The following SGCZ variants were observed in gnomAD, a reference collection of about 807,000 sequenced individuals.
SGCZ encodes the protein sarcoglycan zeta.
SGCZ carries 40 observed loss-of-function variants against 41.3 expected under a neutral mutation model. The ratio of observed to expected loss-of-function variants is 0.97; its 90% CI spans 0.75 to 1.26. The LOEUF (loss-of-function observed/expected upper bound fraction) is 1.26. SGCZ is among the 50% of genes most tolerant of loss of function. The pLI, the probability that SGCZ is intolerant of heterozygous loss-of-function variation, is 0.00. For missense variants in SGCZ, 552 were observed against 369.8 expected, an observed-to-expected ratio of 1.49 and a Z score of -4.04; for synonymous variants, 206 against 137.5, an observed-to-expected ratio of 1.50 and a Z score of -3.49.
At chr8:15,004,879 G>C (rs145502534) in intron 1 of SGCZ, among the ~76,000 whole-genome samples, 1 of 52,482 alleles carries the variant, frequency 1.9e-5, no homozygotes, top group Admixed American at 2.0e-4. Flanking sequence ...CGGGTTCTTT[G>C]TGTGCTGTTC....
At chr8:14,862,726 A>G (rs928852943) in intron 1 of SGCZ, among the ~76,000 whole-genome samples, 1 of 151,746 alleles carries the variant, frequency 6.6e-6, no homozygotes, top group African/African-American at 2.4e-5. Context: ...AGTGATTATA[A>G]TAAGGTTCAA....
At chr8:14,673,522 C>T (rs1808177058) in intron 1 of SGCZ, among the ~76,000 whole-genome samples, 1 of 151,996 alleles carries the variant, frequency 6.6e-6, no homozygotes, top group Admixed American at 6.6e-5. Context: ...CCTTTGCCTT[C>T]GCCATGATTG....
intron 1 of SGCZ, among the ~76,000 whole-genome samples, chr8:14,861,019 T>A (rs1477844978): frequency 6.6e-6 from 1 of 152,230 alleles, no homozygotes; most frequent in East Asian, 1.9e-4. Flanking sequence ...AAGTTTAGTG[T>A]TCGCAATGTC....
At chr8:15,124,287 G>C (rs1355415937) in intron 1 of SGCZ, among the ~76,000 whole-genome samples, 1 of 152,104 alleles carries the variant, frequency 6.6e-6, no homozygotes, top group Non-Finnish European at 1.5e-5. Flanking sequence ...TATATTACAA[G>C]GATGGAGAGA....
chr8:14,476,178 A>G (rs1232626408), intron 2 of SGCZ, among the ~76,000 whole-genome samples: 1 of 152,092 alleles, frequency 6.6e-6, no homozygotes, highest in African/African-American at 2.4e-5. Flanking sequence ...AGTTTTTGTG[A>G]GAGTGTTTCT....
intron 2 of SGCZ, among the ~76,000 whole-genome samples, chr8:14,453,730 C>T (rs1448408248): frequency 1.3e-5 from 2 of 152,176 alleles, no homozygotes; most frequent in African/African-American, 4.8e-5. Flanking sequence ...AGAATGTTCT[C>T]ATCTTTAACA....
intron 1 of SGCZ, among the ~76,000 whole-genome samples, chr8:15,096,877 G>C (rs1806365964): frequency 6.6e-6 from 1 of 151,906 alleles, no homozygotes; most frequent in African/African-American, 2.4e-5. Flanking sequence ...AGTAGAGATG[G>C]GGTTTCACCG....
At chr8:14,562,682 A>G (rs910576730) in intron 1 of SGCZ, among the ~76,000 whole-genome samples, 1 of 152,182 alleles carries the variant, frequency 6.6e-6, no homozygotes, top group African/African-American at 2.4e-5. Context: ...AAGTAGAGAC[A>G]GCAAATGTAG....
intron 1 of SGCZ, among the ~76,000 whole-genome samples, chr8:14,588,428 CTTTGA>C (rs1181622937): frequency 6.6e-6 from 1 of 151,252 alleles, no homozygotes; most frequent in Non-Finnish European, 1.5e-5. Context: ...TACAGGAAAA[CTTTGA>C]TTTATTTATT....
intron 3 of SGCZ, among the ~76,000 whole-genome samples, chr8:14,287,522 A>T (rs1181347139): frequency 6.6e-6 from 1 of 152,028 alleles, no homozygotes; most frequent in Non-Finnish European, 1.5e-5. Context: ...CAGCAAACCT[A>T]TTTCAAGATG....
intron 2 of SGCZ, among the ~76,000 whole-genome samples, chr8:14,479,984 A>G (rs1365094710): frequency 6.6e-6 from 1 of 152,102 alleles, no homozygotes; most frequent in African/African-American, 2.4e-5. Flanking sequence ...ACCTCAAGTG[A>G]TCCACCCGCC....
chr8:14,470,200 T>C (rs1801175381), intron 2 of SGCZ, among the ~76,000 whole-genome samples: 2 of 152,076 alleles, frequency 1.3e-5, no homozygotes, highest in Non-Finnish European at 2.9e-5. Context: ...TCTCGCAACG[T>C]TTGGTAACAG....
At chr8:14,282,506 C>A (rs986267565) in intron 3 of SGCZ, among the ~76,000 whole-genome samples, 1 of 152,152 alleles carries the variant, frequency 6.6e-6, no homozygotes, top group Middle Eastern at 3.2e-3. Context: ...TCTTCCTCAG[C>A]ACCCCTATTC....
chr8:14,568,741 T>C (rs2117225638), intron 1 of SGCZ, among the ~76,000 whole-genome samples: 1 of 152,316 alleles, frequency 6.6e-6, no homozygotes, highest in Non-Finnish European at 1.5e-5. Flanking sequence ...TAAATTGATT[T>C]TCATTATAAC....
At chr8:14,529,192 T>G (rs1031665658) in intron 2 of SGCZ, among the ~76,000 whole-genome samples, 3 of 152,144 alleles carry the variant, frequency 2.0e-5, no homozygotes, top group African/African-American at 7.2e-5. Context: ...ACTTGCATGA[T>G]TTGGATTGAA....
chr8:14,390,212 G>C (rs984837707), intron 2 of SGCZ, among the ~76,000 whole-genome samples: 5 of 151,656 alleles, frequency 3.3e-5, no homozygotes, highest in Admixed American at 2.0e-4. Flanking sequence ...TTTTATTCTA[G>C]CAATAAGTAA....
At chr8:14,989,665 G>C (rs1801940117) in intron 1 of SGCZ, among the ~76,000 whole-genome samples, 1 of 152,106 alleles carries the variant, frequency 6.6e-6, no homozygotes, top group Admixed American at 6.6e-5. Flanking sequence ...TCATATGTCA[G>C]TACAGAAATA....
At chr8:14,638,182 C>G (rs948558878) in intron 1 of SGCZ, among the ~76,000 whole-genome samples, 1 of 151,948 alleles carries the variant, frequency 6.6e-6, no homozygotes, top group Non-Finnish European at 1.5e-5. Context: ...GCCAAAGATT[C>G]TTACATTCTG....
In SGCZ at chr8:14,102,447, C is replaced by T. The variant is rs1215771232; in HGVS notation, c.673G>A (p.Val225Met). The change falls in exon 7 of 8, where the codon GTG (valine) becomes ATG (methionine). Residue 225 changes from valine (V) to methionine (M), a missense_variant. Val to Met is a conservative substitution (Grantham distance 21, BLOSUM62 1). Transcript: ENST00000382080. ...TTGAAGTCTCCTGCAGCAGCACTCA[C>T]CTGGACCCCACGGGGAGCTTCCATG... ...LIMEAPRGVQ[V>M]SAAAGDFKAT... is the part of the protein sequence containing the mutation. 1 of 1,524,140 alleles carries T rather than the reference C, an allele frequency of 6.6e-7. No individual in the cohort carries two copies. The highest frequency in any genetic ancestry group is 8.9e-7 in the Non-Finnish European group (1 of 1,122,982). 94.4% of individuals were successfully genotyped at this position (1,524,140 alleles called of 1,614,324 possible). A position where few individuals can be genotyped will look rare whatever the true frequency, so the allele number is the denominator to read the frequency against.
Sources: gnomAD v4.1 joint callset for allele counts (sites outside exome capture counted in the v4.1 genomes callset) on GRCh38, gnomAD v4.1.1 for gene constraint, MANE v1.5 for transcripts, NCBI Gene and HGNC (gene_info 2026-07-23, HGNC 2026-07-21) for gene names.